Variants in ACTR3 observed in about 807,000 individuals in gnomAD.
ACTR3 encodes actin related protein 3, also known as actin-related protein 3.
Under a neutral mutation model 56.8 loss-of-function variants are expected in ACTR3, and 12 were observed. That is an observed-to-expected ratio of 0.21 (90% CI 0.14 to 0.34). The LOEUF is 0.34. Among genes scored for constraint, ACTR3 ranks in the 10% least tolerant of loss-of-function variants. The pLI is 1.00. For synonymous variants in ACTR3, 162 were observed against 167.4 expected, an observed-to-expected ratio of 0.97 and a Z score of 0.25; for missense variants, 282 against 512.5, an observed-to-expected ratio of 0.55 and a Z score of 4.34.
At chr2:113,937,924 A>G (rs1196633947) in intron 6 of ACTR3, among the ~76,000 whole-genome samples, 4 of 152,056 alleles carry the variant, frequency 2.6e-5, no homozygotes, top group Non-Finnish European at 5.9e-5. Flanking sequence ...TACTGATTAC[A>G]TATTTTTTCT....
chr2:113,915,151 C>T (rs184781788), intron 2 of ACTR3, among the ~76,000 whole-genome samples: 9 of 152,218 alleles, frequency 5.9e-5, no homozygotes, highest in East Asian at 3.9e-4. Flanking sequence ...TTTAAGCTAC[C>T]GTACGTAACA....
intron 3 of ACTR3, among the ~76,000 whole-genome samples, chr2:113,924,079 G>T (rs1409272435): frequency 2.1e-5 from 3 of 145,190 alleles, no homozygotes; most frequent in Non-Finnish European, 4.5e-5. Flanking sequence ...TTTGAGACAG[G>T]TGTCTTGCCC....
rs34989911 is a variant in ACTR3 at position 113,907,971 on chromosome 2, T to TC, written c.45-5196dup. On this transcript the variant is annotated intron_variant, in intron 1 of 11. Transcript: ENST00000263238. ...CCTGGGCAACAAGAGCAAAACTCTG[T>TC]CCCCCAAAAAAAAAAAAAAAAAAAA... 4.7e-3 allele frequency among the ~76,000 whole-genome samples: 323 copies of TC among 69,284 alleles called. 4 individuals are homozygous for TC. Among genetic ancestry groups the TC allele is most frequent in the Non-Finnish European group, 7.6e-3 (270 of 35,696 alleles). 45.5% of individuals were successfully genotyped at this position (69,284 alleles called of 152,430 possible).
chr2:113,906,889 C>T (rs1679203647), intron 1 of ACTR3, among the ~76,000 whole-genome samples: 1 of 151,930 alleles, frequency 6.6e-6, no homozygotes, highest in Admixed American at 6.6e-5. Context: ...AGTGTGAGAT[C>T]TCCAACTTTG....
rs1489519620 is a variant in ACTR3, at chr2:113,958,092, C to T, written c.*637C>T. ...TGCCTGCTAGTGCTTTCTGATTACTCGCATTCTGTTTCTTGCTTTAAAAGA... is the reference window on the plus strand; with the variant it reads ...TGCCTGCTAGTGCTTTCTGATTACTTGCATTCTGTTTCTTGCTTTAAAAGA... On this transcript the variant is annotated 3_prime_UTR_variant, in exon 12 of 12. Transcript: ENST00000263238. 2.0e-5 allele frequency: 3 copies of T among 152,466 alleles called. No homozygotes were observed. Among genetic ancestry groups the T allele is most frequent in the Admixed American group, 6.6e-5 (1 of 15,260 alleles). 9.4% of individuals were successfully genotyped at this position (152,466 alleles called of 1,614,324 possible). A position where few individuals can be genotyped will look rare whatever the true frequency, so the allele number is the denominator to read the frequency against.
chr2:113,896,837 A>C (rs1488203465), intron 1 of ACTR3, among the ~76,000 whole-genome samples: 1 of 152,230 alleles, frequency 6.6e-6, no homozygotes, highest in African/African-American at 2.4e-5. Context: ...CAATTTTCTA[A>C]GAGGCAAAAT....
chr2:113,916,445 C>A (rs1403816998), intron 2 of ACTR3, among the ~76,000 whole-genome samples: 1 of 152,110 alleles, frequency 6.6e-6, no homozygotes. Flanking sequence ...ATCACTATTA[C>A]TAGACCCAGT....
At chr2:113,940,224 A>G (rs552384035) in intron 7 of ACTR3, 122 bp downstream of exon 7, 1 of 787,800 alleles carries the variant, frequency 1.3e-6, no homozygotes, top group South Asian at 2.2e-5. Flanking sequence ...GTTATAAATT[A>G]TTACCCTTAA....
chr2:113,900,535 A>T (rs761175781), intron 1 of ACTR3, among the ~76,000 whole-genome samples: 3 of 152,226 alleles, frequency 2.0e-5, no homozygotes, highest in African/African-American at 7.2e-5. Flanking sequence ...GGGATAAAGG[A>T]AGGCCTATGG....
intron 7 of ACTR3, among the ~76,000 whole-genome samples, chr2:113,940,727 T>C (rs1427622926): frequency 6.6e-6 from 1 of 151,580 alleles, no homozygotes; most frequent in Non-Finnish European, 1.5e-5. Context: ...AGAACTGCCA[T>C]GGCAAAAGTA....
At chr2:113,898,795 G>A (rs1441453133) in intron 1 of ACTR3, among the ~76,000 whole-genome samples, 1 of 152,104 alleles carries the variant, frequency 6.6e-6, no homozygotes, top group Non-Finnish European at 1.5e-5. Context: ...AATGGGATGT[G>A]TACCAATCAG....
At chr2:113,916,858 T>G in intron 2 of ACTR3, 26 bp from the exon 3 acceptor site, 1 of 1,567,558 alleles carries the variant, frequency 6.4e-7, no homozygotes, top group Non-Finnish European at 8.6e-7. Context: ...AAATGAATTC[T>G]TTGACATGTC....
intron 3 of ACTR3, among the ~76,000 whole-genome samples, chr2:113,922,835 A>G (rs1232333213): frequency 6.6e-6 from 1 of 152,354 alleles, no homozygotes; most frequent in African/African-American, 2.4e-5. Flanking sequence ...CAGTGGACCA[A>G]AAGTCTTAAT....
chr2:113,912,625 T>TA (rs1432364888), intron 1 of ACTR3, among the ~76,000 whole-genome samples: 2 of 152,302 alleles, frequency 1.3e-5, no homozygotes, highest in African/African-American at 2.4e-5. Flanking sequence ...TATTCTTGTG[T>TA]AGTCTTCCAG....
intron 8 of ACTR3, among the ~76,000 whole-genome samples, chr2:113,944,222 G>A (rs921609076): frequency 6.6e-6 from 1 of 152,036 alleles, no homozygotes; most frequent in South Asian, 2.1e-4. Flanking sequence ...GTGAAGGTTT[G>A]GAAATCAGCA....
chr2:113,899,784 C>T (rs1047995779), intron 1 of ACTR3, among the ~76,000 whole-genome samples: 1 of 152,054 alleles, frequency 6.6e-6, no homozygotes, highest in Non-Finnish European at 1.5e-5. Context: ...TTTAATAATG[C>T]CCAGCAAATA....
rs748235412 is a variant in ACTR3 at position 113,955,695 on chromosome 2, C to T, written c.1150C>T (p.Leu384=). 1.9e-5 allele frequency: 31 copies of T among 1,610,442 alleles called. No individual in the cohort carries two copies. Among genetic ancestry groups the T allele is most frequent in the Non-Finnish European group, 2.5e-5 (29 of 1,177,100 alleles). ...TGCAGTTTGGTTTGGAGGATCAATG[C>T]TGGCTTCCACGGTGAGTGTGATGAA... ...RYAVWFGGSM[L]ASTPEFYQVC... is the part of the protein sequence containing the mutation. The change falls in exon 11 of 12, where the codon CTG becomes TTG. Residue 384 remains leucine, a synonymous_variant. Coordinates refer to ENST00000263238, the MANE Select transcript of ACTR3 (RefSeq NM_005721.5).
intron 1 of ACTR3, 196 bp downstream of exon 1, chr2:113,890,519 G>A (rs932400864): frequency 7.4e-7 from 1 of 1,354,108 alleles, no homozygotes; most frequent in Non-Finnish European, 9.6e-7. Context: ...CTGGGACTGG[G>A]GCGGGGGCGC....
chr2:113,940,210 A>G, intron 7 of ACTR3, 108 bp downstream of exon 7: 2 of 991,168 alleles, frequency 2.0e-6, no homozygotes, highest in Non-Finnish European at 2.9e-6. Flanking sequence ...AATCTTGTTA[A>G]CCAGTTATAA....
Sources: allele counts gnomAD v4.1 joint callset (sites outside exome capture counted in the v4.1 genomes callset), GRCh38; gene constraint gnomAD v4.1.1; transcripts MANE v1.5; gene names NCBI Gene and HGNC (gene_info 2026-07-23, HGNC 2026-07-21).